CLCN6: variants seen among roughly 807,000 people sequenced by gnomAD.
CLCN6 encodes Cl-/H+ antiporter 6.
In CLCN6, 70 loss-of-function variants were observed where a neutral mutation model predicts 109.8. That is an observed-to-expected ratio of 0.64 (90% CI 0.53 to 0.78). The LOEUF (loss-of-function observed/expected upper bound fraction) is 0.78, where lower values mean the gene tolerates loss of function less well. CLCN6 is among the 30% of genes least tolerant of loss of function. The pLI, the probability that CLCN6 is intolerant of heterozygous loss-of-function variation, is 0.00. For missense variants in CLCN6, 984 were observed against 1,142.3 expected (o/e 0.86, Z 2.00); for synonymous variants, 444 against 447.8 (o/e 0.99, Z 0.11).
Position 11,828,134 on chromosome 1 carries a change from C to A in CLCN6, c.869C>A (p.Thr290Asn). 1 of 1,614,212 alleles carries A rather than the reference C, an allele frequency of 6.2e-7. No individual in the cohort carries two copies. Among genetic ancestry groups the A allele is most frequent in the Non-Finnish European group, 8.5e-7 (1 of 1,180,020 alleles). Residue 290 changes from threonine (T) to asparagine (N), a missense_variant, in exon 11 of 23, where the codon ACC (threonine) becomes AAC (asparagine). Coordinates refer to ENST00000346436, the MANE Select transcript of CLCN6 (RefSeq NM_001286.5). ...TTTTGTTCCATGTCTGCCACCTTCACCCTCAACTTCTTCCGTTCTGGGATT... is the reference window on the plus strand; with the variant it reads ...TTTTGTTCCATGTCTGCCACCTTCAACCTCAACTTCTTCCGTTCTGGGATT... ...VLFCSMSATFTLNFFRSGIQF... is the reference protein window; with the variant it reads ...VLFCSMSATFNLNFFRSGIQF...
intron 2 of CLCN6, among the ~76,000 whole-genome samples, chr1:11,812,113 CAAA>C (rs1285623238): frequency 6.9e-6 from 1 of 144,174 alleles, no homozygotes; most frequent in Non-Finnish European, 1.5e-5. Flanking sequence ...GACCCCATCT[CAAA>C]AAAAAAAAGT....
rs2100637658 is a variant in CLCN6, at chr1:11,826,234, T to C, written c.707+20T>C. The C allele has an allele frequency of 1.2e-6, 2 of 1,607,370 alleles. No homozygotes were observed. Among genetic ancestry groups the C allele is most frequent in the Non-Finnish European group, 8.5e-7 (1 of 1,173,912 alleles). ...CGACAGGTATGGAAAGGTTAGAAAT[T>C]GGTTTCTTTTTTGGAAACAACATGT... On this transcript the variant is annotated intron_variant, in intron 9 of 22. Transcript: ENST00000346436.
chr1:11,836,427 G>A (rs1049000755), intron 18 of CLCN6, among the ~76,000 whole-genome samples: 3 of 152,222 alleles, frequency 2.0e-5, no homozygotes, highest in Admixed American at 6.5e-5. Flanking sequence ...CCATGTGAGA[G>A]TATCAGGGAG....
rs150232531 is a variant in CLCN6, at chr1:11,834,545, G to T, written c.1748G>T (p.Arg583Leu). 24 of 1,614,012 alleles carry T rather than the reference G, an allele frequency of 1.5e-5. No individual in the cohort carries two copies. Among genetic ancestry groups the T allele is most frequent in the Non-Finnish European group, 2.0e-5 (24 of 1,180,048 alleles). ...ATTTATGATATCCACGTGGGCCTGC[G>T]AGGCGTGCCGCTTCTGGAATGGGAG... Reference protein sequence around the residue: ...KGIYDIHVGLRGVPLLEWETE... With the variant: ...KGIYDIHVGLLGVPLLEWETE... The change falls in exon 17 of 23, where the codon CGA becomes CTA. Residue 583 changes from arginine to leucine, a missense_variant. By Grantham distance (102) the Arg-to-Leu change is moderately radical. Transcript: ENST00000346436. This position sits in a 1 kb window ranked among gnomAD's most constrained non-coding sequence, Gnocchi z 4.5.
At position 11,806,277 on chromosome 1, in the gene CLCN6, G is replaced by T; in HGVS notation, c.15G>T (p.Arg5Ser). 4.0e-6 allele frequency: 6 copies of T among 1,491,966 alleles called. No homozygotes were observed. Among genetic ancestry groups the T allele is most frequent in the Non-Finnish European group, 4.4e-6 (5 of 1,129,172 alleles). The allele number at this position is 1,491,966 out of a possible 1,614,324, so 92.4% of individuals were successfully genotyped here. A position where few individuals can be genotyped will look rare whatever the true frequency, so the allele number is the denominator to read the frequency against. The change falls in exon 1 of 23, where the codon AGG becomes AGT. Residue 5 changes from arginine to serine, a missense_variant. Arg to Ser is a moderately radical substitution (Grantham distance 110). Transcript: ENST00000346436. ...AAAGGAGGAAGATGGCGGGGTGCAG[G>T]GGGTCTCTGTGCTGCTGCTGCAGGT... MAGC[R>S]GSLCCCCRWC...
chr1:11,833,695 C>T, intron 14 of CLCN6, 57 bp downstream of exon 14: 1 of 1,605,602 alleles, frequency 6.2e-7, no homozygotes, highest in Non-Finnish European at 8.5e-7. Flanking sequence ...CGGACACAGC[C>T]AGGCTTGCCC....
At chr1:11,827,280 C>T in intron 10 of CLCN6, 59 bp downstream of exon 10, 1 of 1,544,150 alleles carries the variant, frequency 6.5e-7, no homozygotes, top group South Asian at 1.2e-5. Context: ...CTGGGTGTCC[C>T]TTACTCGGTA....
Position 11,819,539 on chromosome 1 carries a change from G to C in CLCN6, c.331G>C (p.Gly111Arg). Residue 111 changes from glycine (G) to arginine (R), a missense_variant, in exon 5 of 23, where the codon GGA becomes CGA. Transcript: ENST00000346436. ...FVRLFTQLKF[G>R]VVQTSVEECS... is the part of the protein sequence containing the mutation. ...GCGACTCTTCACCCAACTCAAGTTC[G>C]GAGTGGTACAGACATGTATCCTTTT... The C allele has an allele frequency of 6.2e-7, 1 of 1,614,084 alleles. No homozygotes were observed. The highest frequency in any genetic ancestry group is 1.1e-5 in the South Asian group (1 of 91,080).
At chr1:11,823,228 G>A (rs748412593) in intron 6 of CLCN6, among the ~76,000 whole-genome samples, 14 of 152,126 alleles carry the variant, frequency 9.2e-5, no homozygotes, top group Non-Finnish European at 1.5e-4. Flanking sequence ...AGGCCAAGGC[G>A]GGCAGATCAC....
intron 17 of CLCN6, 87 bp from the exon 18 acceptor site, chr1:11,835,880 T>C: frequency 8.0e-7 from 1 of 1,247,218 alleles, no homozygotes; most frequent in Non-Finnish European, 1.1e-6. Context: ...GCCCGTGGTC[T>C]GAGCAGGGCT....
chr1:11,818,037 G>T (rs550150524), intron 4 of CLCN6, among the ~76,000 whole-genome samples: 1 of 152,086 alleles, frequency 6.6e-6, no homozygotes, highest in East Asian at 1.9e-4. Context: ...CGAGACAGGA[G>T]GACTGCTTGA....
intron 5 of CLCN6, chr1:11,820,555 A>G: frequency 1.9e-6 from 1 of 534,542 alleles, no homozygotes; most frequent in South Asian, 2.3e-5. Context: ...TCACAAGGTC[A>G]GGAGATTGAG....
At chr1:11,810,383 T>C (rs1557777484) in intron 2 of CLCN6, among the ~76,000 whole-genome samples, 1 of 152,044 alleles carries the variant, frequency 6.6e-6, no homozygotes, top group East Asian at 1.9e-4. Context: ...ACCTTTGAAT[T>C]AGAAAGAGGC....
chr1:11,813,204 T>A (rs1644624969), intron 2 of CLCN6, among the ~76,000 whole-genome samples: 1 of 152,168 alleles, frequency 6.6e-6, no homozygotes. Flanking sequence ...GTGGATGCCT[T>A]TGCTCCCATT....
At position 11,822,078 on chromosome 1, in the gene CLCN6, G is replaced by C. The variant is rs146017026; in HGVS notation, c.347-617G>C. 2.1e-3 allele frequency among the ~76,000 whole-genome samples: 310 copies of C among 146,776 alleles called. 1 individual carries two copies. In the East Asian group the frequency reaches 0.027, roughly 13 times the overall value. On this transcript the variant is annotated intron_variant, in intron 5 of 22. Transcript: ENST00000346436. ...CCCAGGGGAGAGAGGAAGGAAAACT[G>C]TTTTTTTTTTTGTTTTGTTTTGTTT... is the stretch of plus-strand genomic sequence containing the variant.
In CLCN6 at chr1:11,829,469, A is replaced by G. The variant is rs1279080649; in HGVS notation, c.1248+147A>G. ...AGCGTTGAGAGATATGGGAATCTGTAGTCGTCTTTTTACCTCAGAGAAAGT... is the reference window on the plus strand; with the variant it reads ...AGCGTTGAGAGATATGGGAATCTGTGGTCGTCTTTTTACCTCAGAGAAAGT... On this transcript the variant is annotated intron_variant, in intron 13 of 22. Coordinates refer to ENST00000346436, the MANE Select transcript of CLCN6 (RefSeq NM_001286.5). 10 of 986,510 alleles carry G rather than the reference A, an allele frequency of 1.0e-5. No individual in the cohort carries two copies. The Admixed American group carries it at 2.3e-4, about 23-fold the overall frequency. The allele number at this position is 986,510 out of a possible 1,614,324, so 61.1% of individuals were successfully genotyped here.
chr1:11,840,222 G>A lies in CLCN6; in HGVS notation c.2609G>A (p.Ter870=). The A allele has an allele frequency of 6.2e-7, 1 of 1,612,062 alleles. No homozygotes were observed. Among genetic ancestry groups the A allele is most frequent in the Non-Finnish European group, 8.5e-7 (1 of 1,179,730 alleles). The part of the protein sequence containing the change: ...ARLRQHYQTI[*] The stretch of plus-strand genomic sequence containing the variant: ...CTGAGGCAGCACTACCAGACCATCT[G>A]ACAGCCCAGCCCACCCTCTCCTGGT... The change falls in exon 23 of 23, where the codon TGA becomes TAA. Residue 870 remains the stop codon, a stop_retained_variant. Transcript: ENST00000346436.
intron 11 of CLCN6, 61 bp from the exon 12 acceptor site, chr1:11,828,397 C>T: frequency 5.6e-6 from 9 of 1,596,918 alleles, no homozygotes; most frequent in Non-Finnish European, 7.7e-6. Flanking sequence ...TCTCTTCTGT[C>T]TCTTCCGGTT....
At chr1:11,808,393 C>T (rs1226341162) in intron 2 of CLCN6, among the ~76,000 whole-genome samples, 3 of 151,994 alleles carry the variant, frequency 2.0e-5, no homozygotes, top group Admixed American at 6.6e-5. Context: ...CATACCTGGC[C>T]GCCCTTCCCA....
Sources: allele counts gnomAD v4.1 joint callset (sites outside exome capture counted in the v4.1 genomes callset), GRCh38; gene constraint gnomAD v4.1.1; non-coding constraint Gnocchi (gnomAD v3.1); transcripts MANE v1.5; gene names NCBI Gene and HGNC (gene_info 2026-07-23, HGNC 2026-07-21).